RNF20: variants seen among roughly 807,000 people sequenced by gnomAD.
RNF20 encodes E3 ubiquitin-protein ligase BRE1A.
Under a neutral mutation model 126.2 loss-of-function variants are expected in RNF20, and 84 were observed. That is an observed-to-expected ratio of 0.67 (90% CI 0.56 to 0.80). RNF20 has a LOEUF of 0.80. Among genes scored for constraint, RNF20 ranks in the 30% least tolerant of loss-of-function variants. RNF20 has a pLI of 0.00. For synonymous variants in RNF20, 400 were observed against 414.3 expected, an observed-to-expected ratio of 0.97 and a Z score of 0.42; for missense variants, 869 against 1,188.2, an observed-to-expected ratio of 0.73 and a Z score of 3.95.
Position 101,540,582 on chromosome 9 carries a change from T to C in RNF20, c.390T>C (p.Pro130=), listed in dbSNP as rs1043844970. 1 of 1,614,122 alleles carries C rather than the reference T, an allele frequency of 6.2e-7. No individual in the cohort carries two copies. The change falls in exon 4 of 20, where the codon CCT becomes CCC. Residue 130 remains proline (P), a synonymous_variant. Transcript: ENST00000389120. The stretch of plus-strand genomic sequence containing the variant: ...CAGAACGAAAAGCCCTTGTTGTGCC[T>C]GAACCAGAACCAGACTCTGATAGCA... The part of the protein sequence containing the change: ...LLTERKALVV[P]EPEPDSDSNQ...
At position 101,556,329 on chromosome 9, in the gene RNF20, A is replaced by G. The variant is rs1446368679; in HGVS notation, c.2170-1055A>G. Among the ~76,000 whole-genome samples, 3 of 152,284 alleles carry G rather than the reference A, an allele frequency of 2.0e-5. No individual in the cohort carries two copies. The South Asian group carries it at 6.2e-4, about 32-fold the overall frequency. ...TTAAAACATAAAGTTTCTGTAGATG[A>G]AATAGCTTGGGACTACTAGACAGGC... On this transcript the variant is annotated intron_variant, in intron 15 of 19. Coordinates refer to ENST00000389120, the MANE Select transcript of RNF20 (RefSeq NM_019592.7).
chr9:101,546,787 A>C, intron 6 of RNF20, 33 bp from the exon 7 acceptor site: 4 of 1,611,062 alleles, frequency 2.5e-6, no homozygotes, highest in Non-Finnish European at 3.4e-6. Context: ...TTTTTTTGCT[A>C]TATGTTTCTG....
Position 101,557,476 on chromosome 9 carries a change from G to A in RNF20, c.2262G>A (p.Arg754=). ...ATATCCGTTTGATGCAGCAATTGCG[G>A]GAGAAGGATGATGCAAATTTCAAGC... is the stretch of plus-strand genomic sequence containing the variant. ...EQNIRLMQQL[R]EKDDANFKLM... The change falls in exon 16 of 20, where the codon CGG becomes CGA. Residue 754 remains arginine, a synonymous_variant. Coordinates refer to ENST00000389120, the MANE Select transcript of RNF20 (RefSeq NM_019592.7). 1 of 1,614,024 alleles carries A rather than the reference G, an allele frequency of 6.2e-7. No homozygotes were observed. The highest frequency in any genetic ancestry group is 1.3e-5 in the African/African-American group (1 of 75,038).
intron 17 of RNF20, 36 bp downstream of exon 17, chr9:101,560,962 T>C: frequency 6.2e-7 from 1 of 1,604,476 alleles, no homozygotes; most frequent in Non-Finnish European, 8.5e-7. Context: ...TTAGTCTCAG[T>C]GGAACAAATA....
At position 101,535,464 on chromosome 9, in the gene RNF20, G is replaced by C. The variant is rs776863021; in HGVS notation, c.41G>C (p.Gly14Ala). 9 of 1,613,828 alleles carry C rather than the reference G, an allele frequency of 5.6e-6. No individual in the cohort carries two copies. The African/African-American group carries it at 1.2e-4, about 22-fold the overall frequency. ...IGNKRAAGEP[G>A]TSMPPEKKAA... Reference sequence around the variant, plus strand: ...AATAAAAGAGCAGCTGGAGAACCTGGCACCTCCATGCCTCCTGAGAAGAAG... The same window carrying C: ...AATAAAAGAGCAGCTGGAGAACCTGCCACCTCCATGCCTCCTGAGAAGAAG... Residue 14 changes from glycine (G) to alanine (A), a missense_variant, in exon 2 of 20, where the codon GGC becomes GCC. Physicochemically the swap from Gly to Ala is moderately conservative, Grantham distance 60. Around this residue, in one of 8 missense-constraint regions of RNF20, gnomAD observed 157 missense variants for 236.0 expected, o/e 0.67. Transcript: ENST00000389120.
chr9:101,543,810 C>A (rs1827301833), intron 5 of RNF20, among the ~76,000 whole-genome samples: 1 of 152,178 alleles, frequency 6.6e-6, no homozygotes, highest in Non-Finnish European at 1.5e-5. Flanking sequence ...ATCAGAATAA[C>A]CTTGGGAGTT....
At chr9:101,540,145 T>C in intron 2 of RNF20, 58 bp from the exon 3 acceptor site, 1 of 1,520,664 alleles carries the variant, frequency 6.6e-7, no homozygotes, top group Admixed American at 1.9e-5. Context: ...TTGTTGAGTT[T>C]AACGGCTCAT....
At chr9:101,548,102 G>A (rs76323209) in intron 9 of RNF20, among the ~76,000 whole-genome samples, 3,078 of 152,142 alleles carry the variant, frequency 0.02, 95 homozygotes, top group African/African-American at 0.07. Context: ...CCTTAACCAG[G>A]GAGATGAAAG....
In RNF20 at chr9:101,547,496, C is replaced by G; in HGVS notation, c.1070C>G (p.Thr357Ser). ...EKLRQDFEEVTTQNEKLKVEL... is the reference protein window; with the variant it reads ...EKLRQDFEEVSTQNEKLKVEL... ...CTTCGGCAAGACTTTGAGGAGGTCA[C>G]TACACAAAATGAAAAGCTGAAGGTA... Residue 357 changes from threonine to serine, a missense_variant, in exon 9 of 20, where the codon ACT (threonine) becomes AGT (serine). Coordinates refer to ENST00000389120, the MANE Select transcript of RNF20 (RefSeq NM_019592.7). 6.2e-7 allele frequency: 1 copy of G among 1,614,036 alleles called. No homozygotes were observed.
rs773488421 is a variant in RNF20, at chr9:101,540,781, CT to C, written c.446-11del. 1.4e-5 allele frequency: 22 copies of C among 1,607,924 alleles called. No homozygotes were observed. The highest frequency in any genetic ancestry group is 2.0e-4 in the Middle Eastern group (1 of 5,092). ...TTTTGGGGGGCTTCTTTTTTTCCCC[CT>C]GTGTCCTCAGGGGAAGGGCAAGAGC... is the stretch of plus-strand genomic sequence containing the variant. On this transcript the variant is annotated splice_polypyrimidine_tract_variant and intron_variant, in intron 4 of 19. Coordinates refer to ENST00000389120, the MANE Select transcript of RNF20 (RefSeq NM_019592.7).
rs183773612 is a variant in RNF20, at chr9:101,544,664, G to A, written c.629-103G>A. 1.8e-3 allele frequency: 1,279 copies of A among 726,794 alleles called. 15 individuals are homozygous for A. In the African/African-American group the frequency reaches 0.02, roughly 11 times the overall value. 45.0% of individuals were successfully genotyped at this position (726,794 alleles called of 1,614,324 possible). A position where few individuals can be genotyped will look rare whatever the true frequency, so the allele number is the denominator to read the frequency against. On this transcript the variant is annotated intron_variant, in intron 5 of 19. Transcript: ENST00000389120. ...AGAGGTTGCAGTGAGCCGAGATCGC[G>A]CCACTGTACTCCAGCCTGGGCGATA...
At position 101,547,579 on chromosome 9, in the gene RNF20, T is replaced by C; in HGVS notation, c.1092+61T>C. 17 of 1,580,686 alleles carry C rather than the reference T, an allele frequency of 1.1e-5. No homozygotes were observed. The South Asian group carries it at 1.9e-4, about 18-fold the overall frequency. On this transcript the variant is annotated intron_variant, in intron 9 of 19. Transcript: ENST00000389120. ...CGTTCTGCTGATCAACTCACGTATA[T>C]ACATAGTTGTGAATCTGCGTATTCA...
intron 5 of RNF20, among the ~76,000 whole-genome samples, chr9:101,544,143 C>A (rs1023057137): frequency 6.6e-6 from 1 of 152,128 alleles, no homozygotes; most frequent in Non-Finnish European, 1.5e-5. Context: ...TTTAAACATA[C>A]GAACTTGGTG....
intron 9 of RNF20, 100 bp from the exon 10 acceptor site, chr9:101,550,506 C>A: frequency 1.1e-6 from 1 of 917,350 alleles, no homozygotes; most frequent in Non-Finnish European, 1.7e-6. Flanking sequence ...AAAATTGTCT[C>A]TCTTGTGTAG....
chr9:101,548,545 A>G (rs1332635680), intron 9 of RNF20, among the ~76,000 whole-genome samples: 2 of 152,354 alleles, frequency 1.3e-5, no homozygotes, highest in South Asian at 2.1e-4. Context: ...TTCACAGTGT[A>G]TATGTATAGC....
intron 13 of RNF20, among the ~76,000 whole-genome samples, chr9:101,553,329 G>A (rs187878059): frequency 1.9e-4 from 29 of 152,220 alleles, no homozygotes; most frequent in East Asian, 3.9e-4. Flanking sequence ...CTGGCAGAAC[G>A]GCTTACTTCT....
In RNF20 at chr9:101,540,917, T is replaced by C. The variant is rs1348628749; in HGVS notation, c.570T>C (p.Thr190=). 6.2e-7 allele frequency: 1 copy of C among 1,614,022 alleles called. No individual in the cohort carries two copies. Among genetic ancestry groups the C allele is most frequent in the Non-Finnish European group, 8.5e-7 (1 of 1,180,000 alleles). ...GCCGAGCCGTGTCCCAGATTGTGAC[T>C]GTTTATGATAAATTGCAAGAAAAAG... ...SSRRAVSQIV[T]VYDKLQEKVE... is the part of the protein sequence containing the mutation. The change falls in exon 5 of 20, where the codon ACT becomes ACC. Residue 190 remains threonine, a synonymous_variant. Coordinates refer to ENST00000389120, the MANE Select transcript of RNF20 (RefSeq NM_019592.7).
intron 9 of RNF20, among the ~76,000 whole-genome samples, chr9:101,547,921 A>G (rs1294199074): frequency 1.3e-5 from 2 of 152,240 alleles, no homozygotes; most frequent in African/African-American, 2.4e-5. Flanking sequence ...AGAAAACCTT[A>G]CAGGCTCCAC....
chr9:101,547,072 G>A lies in RNF20; in HGVS notation c.895-65G>A, dbSNP rs147035494. 1.2e-4 allele frequency: 195 copies of A among 1,601,806 alleles called. 1 individual carries two copies. The East Asian group carries it at 3.7e-3, about 30-fold the overall frequency. Reference sequence around the variant, plus strand: ...TGAGGAAAAAATCTCATCCTTTGAAGGTACATTGGTTATAGACTGAAATCT... The same window carrying A: ...TGAGGAAAAAATCTCATCCTTTGAAAGTACATTGGTTATAGACTGAAATCT... On this transcript the variant is annotated intron_variant, in intron 7 of 19. Transcript: ENST00000389120.
Sources: gnomAD v4.1 joint callset for allele counts (sites outside exome capture counted in the v4.1 genomes callset) on GRCh38, gnomAD v4.1.1 for gene constraint, gnomAD v4.1.1 regional missense constraint, MANE v1.5 for transcripts, NCBI Gene and HGNC (gene_info 2026-07-23, HGNC 2026-07-21) for gene names.